The following PIAS1 variants were observed in gnomAD, a reference collection of about 807,000 sequenced individuals.
PIAS1 encodes the protein E3 SUMO-protein ligase PIAS1.
PIAS1 carries 6 observed loss-of-function variants against 71.3 expected under a neutral mutation model. That is an observed-to-expected ratio of 0.08 (90% confidence interval 0.05 to 0.17). The LOEUF (loss-of-function observed/expected upper bound fraction) is 0.17. Among genes scored for constraint, PIAS1 ranks in the 10% least tolerant of loss-of-function variants. The pLI, the probability that PIAS1 is intolerant of heterozygous loss-of-function variation, is 1.00. For synonymous variants in PIAS1, 303 were observed against 292.9 expected, an observed-to-expected ratio of 1.03 and a Z score of -0.35; for missense variants, 555 against 793.6, an observed-to-expected ratio of 0.70 and a Z score of 3.61.
rs184293256 is a variant in PIAS1 at position 68,075,683 on chromosome 15, A to G, written c.25-10623A>G. Among the ~76,000 whole-genome samples, 13 of 151,992 alleles carry G rather than the reference A, an allele frequency of 8.6e-5. No individual in the cohort carries two copies. The East Asian group carries it at 2.5e-3, about 30-fold the overall frequency. ...TCTGATGGAATTTTAAAAAATATTT[A>G]GGCAAGCTGTCATTGCAAGACCTGA... On this transcript the variant is annotated intron_variant, in intron 1 of 13. Coordinates refer to ENST00000249636, the MANE Select transcript of PIAS1 (RefSeq NM_016166.3).
intron 2 of PIAS1, among the ~76,000 whole-genome samples, chr15:68,132,411 G>A (rs1245459181): frequency 6.6e-6 from 1 of 152,010 alleles, no homozygotes; most frequent in East Asian, 1.9e-4. Flanking sequence ...GGAGGTGGAG[G>A]TTGCAGTGAG....
chr15:68,130,692 TTCAG>T (rs1486510925), intron 2 of PIAS1, among the ~76,000 whole-genome samples: 1 of 149,660 alleles, frequency 6.7e-6, no homozygotes, highest in African/African-American at 2.5e-5. Context: ...AAAGCTATCA[TTCAG>T]TTTCACTTTT....
At chr15:68,065,286 T>C (rs1029774286) in intron 1 of PIAS1, among the ~76,000 whole-genome samples, 5 of 152,092 alleles carry the variant, frequency 3.3e-5, no homozygotes, top group African/African-American at 1.2e-4. Flanking sequence ...GTATTTTTTA[T>C]AACTTAAAAG....
At chr15:68,123,450 C>G (rs974195275) in intron 2 of PIAS1, among the ~76,000 whole-genome samples, 2 of 152,094 alleles carry the variant, frequency 1.3e-5, no homozygotes, top group African/African-American at 4.8e-5. Context: ...GTTAAAATTG[C>G]AACTACTACT....
In PIAS1 at chr15:68,186,198, A is replaced by G. The variant is rs939405837; in HGVS notation, c.1663-1344A>G. 1.3e-5 allele frequency among the ~76,000 whole-genome samples: 2 copies of G among 152,196 alleles called. No homozygotes were observed. Among genetic ancestry groups the G allele is most frequent in the African/African-American group, 4.8e-5 (2 of 41,454 alleles). On this transcript the variant is annotated intron_variant, in intron 13 of 13. Coordinates refer to ENST00000249636, the MANE Select transcript of PIAS1 (RefSeq NM_016166.3). The surrounding 1 kb of genome is among the most constrained non-coding windows in gnomAD (Gnocchi z 4.4). ...TGTTGTCATAGCAAATGACAGCTCC[A>G]TGCATGCTATTTTCCCTGAAGACCA...
chr15:68,104,593 A>G (rs918406618), intron 2 of PIAS1, among the ~76,000 whole-genome samples: 7 of 151,906 alleles, frequency 4.6e-5, no homozygotes, highest in South Asian at 2.1e-4. Context: ...GCTAAAAACA[A>G]TTGATCTCAT....
intron 4 of PIAS1, among the ~76,000 whole-genome samples, chr15:68,145,528 A>G (rs1446431946): frequency 6.6e-6 from 1 of 152,176 alleles, no homozygotes; most frequent in East Asian, 1.9e-4. Flanking sequence ...ACATCTGTTA[A>G]TCACTGAAGA....
intron 2 of PIAS1, among the ~76,000 whole-genome samples, chr15:68,139,802 T>C (rs7167918): frequency 0.49 from 74,717 of 151,870 alleles, 19,088 homozygotes; most frequent in Middle Eastern, 0.57. Context: ...TCCCTGTGGA[T>C]TGTCTTTTGT....
intron 2 of PIAS1, among the ~76,000 whole-genome samples, chr15:68,112,711 G>T (rs1010765636): frequency 3.3e-5 from 5 of 152,154 alleles, no homozygotes; most frequent in African/African-American, 1.2e-4. Flanking sequence ...TCCAGTGTCG[G>T]CAAGGAAATC....
intron 12 of PIAS1, among the ~76,000 whole-genome samples, chr15:68,182,516 T>TGTGTGTGTGTGTG (rs10527857): frequency 1.3e-5 from 2 of 150,022 alleles, no homozygotes; most frequent in Non-Finnish European, 1.5e-5. Flanking sequence ...TGTGTGTGTG[T>TGTGTGTGTGTGTG]CGGAGTTTTG....
chr15:68,179,523 T>G (rs895264955), intron 11 of PIAS1, among the ~76,000 whole-genome samples: 14 of 147,288 alleles, frequency 9.5e-5, no homozygotes, highest in Non-Finnish European at 1.9e-4. Flanking sequence ...TAACTGGAAC[T>G]CTATTCCTAG....
intron 2 of PIAS1, among the ~76,000 whole-genome samples, chr15:68,109,204 G>A (rs1429533626): frequency 6.6e-6 from 1 of 152,092 alleles, no homozygotes; most frequent in Non-Finnish European, 1.5e-5. Flanking sequence ...ACATTCACGT[G>A]GCCATCTCCT....
chr15:68,158,866 A>G (rs1007953273), intron 7 of PIAS1, among the ~76,000 whole-genome samples: 4 of 152,218 alleles, frequency 2.6e-5, no homozygotes, highest in Non-Finnish European at 2.9e-5. Flanking sequence ...AGTGTTCTCT[A>G]TCTGCACTGT....
At chr15:68,119,301 C>T (rs911704530) in intron 2 of PIAS1, among the ~76,000 whole-genome samples, 2 of 140,976 alleles carry the variant, frequency 1.4e-5, no homozygotes, top group African/African-American at 5.2e-5. Context: ...ACACATACTC[C>T]AGACGTGGTG....
chr15:68,082,736 C>T (rs1278953021), intron 1 of PIAS1, among the ~76,000 whole-genome samples: 1 of 151,398 alleles, frequency 6.6e-6, no homozygotes, highest in Non-Finnish European at 1.5e-5. Flanking sequence ...GTAGAGTCCT[C>T]AAAGAAAAAA....
chr15:68,081,938 C>T (rs961275008), intron 1 of PIAS1, among the ~76,000 whole-genome samples: 6 of 151,208 alleles, frequency 4.0e-5, no homozygotes, highest in South Asian at 4.2e-4. Flanking sequence ...CAAGGCACAA[C>T]ATTGTAAAAT....
At chr15:68,177,168 A>G (rs1468218728) in intron 11 of PIAS1, among the ~76,000 whole-genome samples, 2 of 147,724 alleles carry the variant, frequency 1.4e-5, no homozygotes, top group Non-Finnish European at 3.0e-5. Flanking sequence ...AATCTCAGCT[A>G]CTCTGGAGGG....
chr15:68,092,867 A>G (rs984570812), intron 2 of PIAS1, among the ~76,000 whole-genome samples: 1 of 152,214 alleles, frequency 6.6e-6, no homozygotes, highest in African/African-American at 2.4e-5. Context: ...TTGTTTATAA[A>G]TTATCCAGTC....
intron 2 of PIAS1, among the ~76,000 whole-genome samples, chr15:68,108,498 G>A (rs1346919963): frequency 3.9e-5 from 6 of 151,968 alleles, no homozygotes; most frequent in Admixed American, 6.6e-5. Flanking sequence ...TCACTCCCTT[G>A]ATGATTTGAA....
Sources: allele counts gnomAD v4.1 joint callset (sites outside exome capture counted in the v4.1 genomes callset), GRCh38; gene constraint gnomAD v4.1.1; non-coding constraint Gnocchi (gnomAD v3.1); transcripts MANE v1.5; gene names NCBI Gene and HGNC (gene_info 2026-07-23, HGNC 2026-07-21).